Variants in CALN1 observed in about 807,000 individuals in gnomAD.
CALN1 encodes the protein calneuron 1.
CALN1 carries 17 observed loss-of-function variants against 30.6 expected under a neutral mutation model. That is an observed-to-expected ratio of 0.56 (90% CI 0.38 to 0.83). The LOEUF (loss-of-function observed/expected upper bound fraction) is 0.83. CALN1 is among the 40% of genes least tolerant of loss of function. CALN1 has a pLI of 0.00. For missense variants in CALN1, 291 were observed against 354.9 expected (o/e 0.82, Z 1.45); for synonymous variants, 156 against 131.4 (o/e 1.19, Z -1.28).
At chr7:72,468,599 C>T in the CALN1 span, among the ~76,000 whole-genome samples, 3 of 152,210 alleles carry the variant, frequency 2.0e-5, no homozygotes, top group African/African-American at 4.8e-5. Context: ...AAGGCATGAA[C>T]CACCCTGCCT....
At chr7:72,413,828 C>T (rs1231652399), upstream of CALN1, among the ~76,000 whole-genome samples, 4 of 151,068 alleles carry the variant, frequency 2.6e-5, no homozygotes, top group Non-Finnish European at 5.9e-5. Context: ...ACATGCATGG[C>T]ACATACACAA....
In CALN1 at chr7:71,974,456, GA is replaced by G. The variant is rs914041530; in HGVS notation, c.501+49200del. 2.8e-3 allele frequency among the ~76,000 whole-genome samples: 301 copies of G among 109,444 alleles called. 2 individuals are homozygous for G. The highest frequency in any genetic ancestry group is 8.7e-3 in the African/African-American group (278 of 32,064). 71.8% of individuals were successfully genotyped at this position (109,444 alleles called of 152,430 possible). ...AAAAAAAAAAAAGGAAAAAGAAAAA[GA>G]AAAAAAAACCCCACACAGCTTATAT... On this transcript the variant is annotated intron_variant, in intron 5 of 6. Coordinates refer to ENST00000395275, the MANE Select transcript of CALN1 (RefSeq NM_031468.4).
chr7:72,499,825 C>T, the CALN1 span, among the ~76,000 whole-genome samples: 5 of 66,088 alleles, frequency 7.6e-5, 1 homozygote, highest in African/African-American at 4.3e-4. Context: ...TTCCTTCCTT[C>T]CTTCTTTCTT....
At chr7:72,293,362 A>G (rs536055639) in intron 2 of CALN1, among the ~76,000 whole-genome samples, 2 of 152,302 alleles carry the variant, frequency 1.3e-5, no homozygotes, top group East Asian at 3.9e-4. Context: ...AGAGATGGAA[A>G]GGCTTTGCTC....
intron 5 of CALN1, among the ~76,000 whole-genome samples, chr7:71,833,446 G>A (rs1789410665): frequency 1.3e-5 from 2 of 152,036 alleles, no homozygotes; most frequent in Non-Finnish European, 2.9e-5. Context: ...AAAAATATGT[G>A]GCAAATGGAG....
intron 3 of CALN1, among the ~76,000 whole-genome samples, chr7:72,124,876 A>G (rs1808633398): frequency 6.6e-6 from 1 of 152,190 alleles, no homozygotes; most frequent in African/African-American, 2.4e-5. Context: ...CAAAAGACAA[A>G]CAGATTTTCC....
the CALN1 span, among the ~76,000 whole-genome samples, chr7:72,473,160 A>G: frequency 1.3e-5 from 2 of 151,158 alleles, no homozygotes; most frequent in African/African-American, 4.9e-5. Flanking sequence ...TATGTTGCCT[A>G]GGCTGGTCTC....
chr7:72,249,964 A>C lies in CALN1; in HGVS notation c.244+28722T>G, dbSNP rs749986496. The stretch of plus-strand genomic sequence containing the variant: ...AACAAACCAAAAAAAAAAAAAAGAG[A>C]GAGAGAGAGAGAGAGAAATAGACCC... On this transcript the variant is annotated intron_variant, in intron 3 of 6. Coordinates refer to ENST00000395275, the MANE Select transcript of CALN1 (RefSeq NM_031468.4). Among the ~76,000 whole-genome samples the C allele has an allele frequency of 1.6e-3, 222 of 137,340 alleles. 11 individuals are homozygous for C. Among genetic ancestry groups the C allele is most frequent in the South Asian group, 2.1e-3 (9 of 4,218 alleles). 90.1% of individuals were successfully genotyped at this position (137,340 alleles called of 152,430 possible). A position where few individuals can be genotyped will look rare whatever the true frequency, so the allele number is the denominator to read the frequency against.
At chr7:72,173,989 T>C (rs577818248) in intron 3 of CALN1, among the ~76,000 whole-genome samples, 14 of 151,018 alleles carry the variant, frequency 9.3e-5, no homozygotes, top group African/African-American at 3.2e-4. Flanking sequence ...GTTGAGAAAA[T>C]AAAAAGGCAA....
chr7:71,971,985 G>GAGAAAGAAAGAAAA (rs1797856528), intron 5 of CALN1, among the ~76,000 whole-genome samples: 1 of 92,252 alleles, frequency 1.1e-5, no homozygotes, highest in South Asian at 3.7e-4. Flanking sequence ...AAGAAAGAAA[G>GAGAAAGAAAGAAAA]AAAGAAAGAG....
At chr7:71,994,072 TTGAG>T (rs141128161) in intron 5 of CALN1, among the ~76,000 whole-genome samples, 5,364 of 152,258 alleles carry the variant, frequency 0.035, 308 homozygotes, top group African/African-American at 0.12. Flanking sequence ...AATATGTCTC[TTGAG>T]TAATACCCAA....
chr7:72,268,257 A>G (rs1172925349), intron 3 of CALN1, among the ~76,000 whole-genome samples: 2 of 152,158 alleles, frequency 1.3e-5, no homozygotes, highest in East Asian at 3.9e-4. Flanking sequence ...AAGCTTAAAC[A>G]AAAGCGGAGA....
chr7:72,269,559 T>C (rs369982792), intron 3 of CALN1, among the ~76,000 whole-genome samples: 1 of 152,164 alleles, frequency 6.6e-6, no homozygotes, highest in African/African-American at 2.4e-5. Flanking sequence ...AAAACCTCAT[T>C]AGTACTCCAG....
chr7:71,804,716 G>C (rs1787505924), intron 6 of CALN1, among the ~76,000 whole-genome samples: 1 of 152,130 alleles, frequency 6.6e-6, no homozygotes, highest in African/African-American at 2.4e-5. Flanking sequence ...CACTTTGGGA[G>C]GCTGAGGTGG....
intron 5 of CALN1, among the ~76,000 whole-genome samples, chr7:71,998,357 T>C (rs1181077749): frequency 3.3e-5 from 5 of 152,162 alleles, no homozygotes; most frequent in African/African-American, 1.2e-4. Flanking sequence ...CAATAGACTA[T>C]CCTTTTCCTT....
At chr7:72,143,800 A>G (rs1313685047) in intron 3 of CALN1, among the ~76,000 whole-genome samples, 4 of 152,228 alleles carry the variant, frequency 2.6e-5, no homozygotes, top group Middle Eastern at 6.3e-3. Flanking sequence ...TACAAGCCAG[A>G]AGAGAGTGGG....
At chr7:72,309,579 T>G (rs1799897779) in intron 2 of CALN1, among the ~76,000 whole-genome samples, 1 of 152,126 alleles carries the variant, frequency 6.6e-6, no homozygotes, top group South Asian at 2.1e-4. Flanking sequence ...GAAGCCACCT[T>G]CAAGAGCCCT....
At chr7:72,334,386 C>T (rs1323897578) in intron 2 of CALN1, among the ~76,000 whole-genome samples, 1 of 152,154 alleles carries the variant, frequency 6.6e-6, no homozygotes, top group Non-Finnish European at 1.5e-5. Flanking sequence ...CCTCAAGAGA[C>T]CAGTTTCTAT....
At chr7:72,075,475 T>C (rs962400242) in intron 4 of CALN1, among the ~76,000 whole-genome samples, 1 of 152,218 alleles carries the variant, frequency 6.6e-6, no homozygotes, top group African/African-American at 2.4e-5. Flanking sequence ...TTTTGGAACT[T>C]ACCTAGTTTA....
Sources: allele counts gnomAD v4.1 joint callset (sites outside exome capture counted in the v4.1 genomes callset), GRCh38; gene constraint gnomAD v4.1.1; transcripts MANE v1.5; gene names NCBI Gene and HGNC (gene_info 2026-07-23, HGNC 2026-07-21).